MYO10: variants seen among roughly 807,000 people sequenced by gnomAD.
The protein encoded by MYO10 is unconventional myosin-X.
A neutral mutation model predicts 257.3 loss-of-function variants in MYO10; 133 were observed. The ratio of observed to expected loss-of-function variants is 0.52; its 90% CI spans 0.45 to 0.60. The LOEUF (loss-of-function observed/expected upper bound fraction) is 0.60, where lower values mean the gene tolerates loss of function less well. MYO10 is among the 20% of genes least tolerant of loss of function. MYO10 has a pLI of 0.00. For synonymous variants in MYO10, 1,104 were observed against 1,028.6 expected (o/e 1.07, Z -1.40); for missense variants, 2,399 against 2,635.7 (o/e 0.91, Z 1.97).
chr5:16,822,421 AAAAC>A (rs1203864606), intron 2 of MYO10, among the ~76,000 whole-genome samples: 2 of 152,214 alleles, frequency 1.3e-5, no homozygotes, highest in Non-Finnish European at 2.9e-5. Flanking sequence ...AAGAAAATAA[AAAAC>A]AAATATACAA....
intron 1 of MYO10, among the ~76,000 whole-genome samples, chr5:16,917,095 C>A (rs930046593): frequency 6.6e-6 from 1 of 151,952 alleles, no homozygotes; most frequent in African/African-American, 2.4e-5. Flanking sequence ...CTGCAGAAAT[C>A]AATGTTGGAA....
At chr5:16,723,493 G>A (rs1306487581) in intron 19 of MYO10, among the ~76,000 whole-genome samples, 1 of 152,124 alleles carries the variant, frequency 6.6e-6, no homozygotes, top group African/African-American at 2.4e-5. Flanking sequence ...CAAAAATGTG[G>A]AGCAACAAGA....
In MYO10 at chr5:16,780,422, G is replaced by C. The variant is rs1002748825; in HGVS notation, c.826+102C>G. 9 of 1,092,320 alleles carry C rather than the reference G, an allele frequency of 8.2e-6. No individual in the cohort carries two copies. The African/African-American group carries it at 1.3e-4, about 15-fold the overall frequency. 67.7% of individuals were successfully genotyped at this position (1,092,320 alleles called of 1,614,324 possible). On this transcript the variant is annotated intron_variant, in intron 8 of 40. Coordinates refer to ENST00000513610, the MANE Select transcript of MYO10 (RefSeq NM_012334.3). ...CATAGTGTACATTTCATTGCTATCG[G>C]TGAAATGTCAACATTAAAACAGATG...
intron 19 of MYO10, among the ~76,000 whole-genome samples, chr5:16,750,909 C>T (rs1314853499): frequency 6.6e-6 from 1 of 152,114 alleles, no homozygotes; most frequent in Non-Finnish European, 1.5e-5. Context: ...GCAGGAGAAT[C>T]GCTTGAACTC....
chr5:16,931,838 G>C (rs1241675732), intron 1 of MYO10, among the ~76,000 whole-genome samples: 2 of 152,086 alleles, frequency 1.3e-5, no homozygotes, highest in Non-Finnish European at 2.9e-5. Context: ...ACATATCGAG[G>C]GTGAGGAGAG....
In MYO10 at chr5:16,663,074, T is replaced by A. The variant is rs1243512649; in HGVS notation, c.*3618A>T. ...GGTACTATATAATCATCAAAAAGAATAAGGCAATTCTATAGGTATTAATGT... is the reference window on the plus strand; with the variant it reads ...GGTACTATATAATCATCAAAAAGAAAAAGGCAATTCTATAGGTATTAATGT... On this transcript the variant is annotated 3_prime_UTR_variant, in exon 41 of 41. Transcript: ENST00000513610. 6.6e-6 allele frequency: 1 copy of A among 152,204 alleles called. No individual in the cohort carries two copies. 9.4% of individuals were successfully genotyped at this position (152,204 alleles called of 1,614,324 possible). A position where few individuals can be genotyped will look rare whatever the true frequency, so the allele number is the denominator to read the frequency against.
intron 3 of MYO10, among the ~76,000 whole-genome samples, chr5:16,802,821 TAA>T: frequency 6.6e-6 from 1 of 151,880 alleles, no homozygotes; most frequent in African/African-American, 2.4e-5. Context: ...TAACTTTAAA[TAA>T]AAAGTTTTAG....
chr5:16,685,734 G>A lies in MYO10; in HGVS notation c.3990+4C>T, dbSNP rs1385942290. The A allele has an allele frequency of 5.7e-6, 7 of 1,218,078 alleles. No homozygotes were observed. Among genetic ancestry groups the A allele is most frequent in the East Asian group, 4.5e-5 (1 of 22,254 alleles). 75.5% of individuals were successfully genotyped at this position (1,218,078 alleles called of 1,614,324 possible). On this transcript the variant is annotated splice_donor_region_variant and intron_variant, in intron 29 of 40. Coordinates refer to ENST00000513610, the MANE Select transcript of MYO10 (RefSeq NM_012334.3). ...CACCCCCATCCCACACAGTGCTCCC[G>A]TACCACAGCATTCTGTGGGTTTGCC...
chr5:16,797,915 T>A (rs1742016152), intron 3 of MYO10, among the ~76,000 whole-genome samples: 1 of 152,234 alleles, frequency 6.6e-6, no homozygotes. Flanking sequence ...ATTGCCATTG[T>A]AACAGTATTA....
chr5:16,760,380 G>A (rs1471501144), intron 17 of MYO10, among the ~76,000 whole-genome samples: 1 of 150,370 alleles, frequency 6.7e-6, no homozygotes, highest in Admixed American at 6.7e-5. Flanking sequence ...AGAATGGCGT[G>A]AACCTGGGAG....
intron 19 of MYO10, among the ~76,000 whole-genome samples, chr5:16,744,553 A>C (rs1365496816): frequency 2.0e-5 from 3 of 152,128 alleles, no homozygotes; most frequent in African/African-American, 7.2e-5. Flanking sequence ...CCTGGGTCTC[A>C]GCAGGCGCGG....
chr5:16,779,462 T>C (rs931340309), intron 9 of MYO10, 83 bp downstream of exon 9: 126 of 770,606 alleles, frequency 1.6e-4, no homozygotes, highest in Non-Finnish European at 1.9e-4. Context: ...TTTAAAAAAA[T>C]CTTTTGAAAC....
chr5:16,872,367 C>T (rs890122618), intron 2 of MYO10, among the ~76,000 whole-genome samples: 2 of 152,136 alleles, frequency 1.3e-5, no homozygotes, highest in Admixed American at 6.5e-5. Context: ...GAAAGAAGAG[C>T]AGTTACCAAG....
intron 19 of MYO10, among the ~76,000 whole-genome samples, chr5:16,719,985 CGTGCGT>C (rs1240253134): frequency 1.2e-5 from 1 of 83,866 alleles, no homozygotes; most frequent in African/African-American, 6.0e-5. Context: ...AATGTGTGTG[CGTGCGT>C]GTGTGTGTGT....
Position 16,796,442 on chromosome 5 carries a change from C to CAGAAAGAAAGAAAGAAAGAA in MYO10, c.280-1629_280-1610dup, listed in dbSNP as rs70943805. Among the ~76,000 whole-genome samples the CAGAAAGAAAGAAAGAAAGAA allele has an allele frequency of 1.8e-3, 216 of 120,812 alleles. 3 individuals are homozygous for CAGAAAGAAAGAAAGAAAGAA. Among genetic ancestry groups the CAGAAAGAAAGAAAGAAAGAA allele is most frequent in the Middle Eastern group, 8.1e-3 (2 of 248 alleles). The allele number at this position is 120,812 out of a possible 152,430, so 79.3% of individuals were successfully genotyped here. Reference sequence around the variant, plus strand: ...AAAGGAAAAAGAAAGAAAAGAAAGACAGAAAGAAAGAAAGAAAGAAAGAAA... The same window carrying CAGAAAGAAAGAAAGAAAGAA: ...AAAGGAAAAAGAAAGAAAAGAAAGACAGAAAGAAAGAAAGAAAGAAAGAAAGAAAGAAAGAAAGAAAGAAA... On this transcript the variant is annotated intron_variant, in intron 3 of 40. Transcript: ENST00000513610.
intron 2 of MYO10, among the ~76,000 whole-genome samples, chr5:16,840,436 T>A (rs771699782): frequency 1.8e-5 from 2 of 111,348 alleles, no homozygotes; most frequent in Middle Eastern, 4.8e-3. Context: ...AATGAATGAA[T>A]GAATGAATGA....
intron 21 of MYO10, among the ~76,000 whole-genome samples, chr5:16,706,118 G>C (rs986018108): frequency 1.3e-5 from 2 of 152,116 alleles, no homozygotes; most frequent in Non-Finnish European, 2.9e-5. Flanking sequence ...GGGAGGCAGA[G>C]GTTGCAGTGA....
At chr5:16,816,532 T>C (rs888721777) in intron 3 of MYO10, among the ~76,000 whole-genome samples, 5 of 150,370 alleles carry the variant, frequency 3.3e-5, no homozygotes, top group African/African-American at 1.2e-4. Flanking sequence ...TTAAGGCTGA[T>C]TTTTCTTTTT....
intron 17 of MYO10, among the ~76,000 whole-genome samples, chr5:16,761,116 A>G (rs1399659592): frequency 2.0e-5 from 3 of 151,978 alleles, no homozygotes; most frequent in Admixed American, 6.6e-5. Flanking sequence ...TCAGCCTCCC[A>G]AGTAGCTGGG....
Sources: gnomAD v4.1 joint callset for allele counts (sites outside exome capture counted in the v4.1 genomes callset) on GRCh38, gnomAD v4.1.1 for gene constraint, MANE v1.5 for transcripts, NCBI Gene and HGNC (gene_info 2026-07-23, HGNC 2026-07-21) for gene names.